Variants in CHODL observed in about 807,000 individuals in gnomAD.
CHODL encodes transmembrane protein MT75.
In CHODL, 29 loss-of-function variants were observed where a neutral mutation model predicts 34.5. The ratio of observed to expected loss-of-function variants is 0.84; its 90% CI spans 0.63 to 1.15. The LOEUF is 1.15. CHODL is among the 50% of genes most tolerant of loss of function. The pLI is 0.00. For synonymous variants in CHODL, 125 were observed against 116.1 expected (o/e 1.08, Z -0.49); for missense variants, 332 against 332.5 (o/e 1.00, Z 0.01).
chr21:18,265,992 T>C lies in CHODL; in HGVS notation c.776T>C (p.Leu259Pro). ...AAAACTAGTCCAAACCAGTCTACACTGTGGATTTCAAAGAGTACCAGAAAA... is the reference window on the plus strand; with the variant it reads ...AAAACTAGTCCAAACCAGTCTACACCGTGGATTTCAAAGAGTACCAGAAAA... The part of the protein sequence containing the change: ...RTKTSPNQST[L>P]WISKSTRKES... Residue 259 changes from leucine to proline, a missense_variant, in exon 6 of 6, where the codon CTG becomes CCG. Physicochemically the swap from Leu to Pro is moderately conservative, Grantham distance 98. Coordinates refer to ENST00000299295, the MANE Select transcript of CHODL (RefSeq NM_024944.3). 6.2e-7 allele frequency: 1 copy of C among 1,613,688 alleles called. No individual in the cohort carries two copies. Among genetic ancestry groups the C allele is most frequent in the Non-Finnish European group, 8.5e-7 (1 of 1,179,734 alleles).
intron 2 of CHODL, among the ~76,000 whole-genome samples, chr21:18,082,126 C>T (rs1396081489): frequency 6.6e-6 from 1 of 152,142 alleles, no homozygotes; most frequent in Non-Finnish European, 1.5e-5. Context: ...GAGCAGACTT[C>T]TCCTTTGCTG....
At chr21:18,193,545 A>T (rs2073539251) in intron 2 of CHODL, among the ~76,000 whole-genome samples, 1 of 151,568 alleles carries the variant, frequency 6.6e-6, no homozygotes, top group African/African-American at 2.4e-5. Context: ...AAAATACAAA[A>T]ATTAGCCACA....
chr21:18,060,553 T>C (rs2146483457), intron 2 of CHODL, among the ~76,000 whole-genome samples: 1 of 151,824 alleles, frequency 6.6e-6, no homozygotes, highest in Non-Finnish European at 1.5e-5. Flanking sequence ...ATAGTACCCA[T>C]CAGGGCAGTC....
chr21:18,172,817 G>C (rs1278772698), intron 2 of CHODL, among the ~76,000 whole-genome samples: 1 of 152,132 alleles, frequency 6.6e-6, no homozygotes, highest in Non-Finnish European at 1.5e-5. Context: ...GTTAATAAAG[G>C]TCAGAAATGT....
At chr21:18,101,782 A>G (rs1688163) in intron 2 of CHODL, among the ~76,000 whole-genome samples, 63,802 of 150,746 alleles carry the variant, frequency 0.42, 14,259 homozygotes, top group Non-Finnish European at 0.51. Flanking sequence ...CATGGTAAAG[A>G]GCATTAATGA....
chr21:17,931,010 C>T lies in CHODL; in HGVS notation c.-145+13610C>T, dbSNP rs1300400475. 3.3e-5 allele frequency among the ~76,000 whole-genome samples: 5 copies of T among 152,298 alleles called. No individual in the cohort carries two copies. In the East Asian group the frequency reaches 9.6e-4, roughly 29 times the overall value. On this transcript the variant is annotated intron_variant, in intron 1 of 6. Coordinates refer to the CHODL transcript ENST00000400127. ...GTCTGCCTGAACTGAGAGTCATCAG[C>T]CCTGGCACAAGGGTGTGATACAGAA... is the stretch of plus-strand genomic sequence containing the variant.
At chr21:18,069,637 C>G (rs1166226831) in intron 2 of CHODL, among the ~76,000 whole-genome samples, 2 of 151,942 alleles carry the variant, frequency 1.3e-5, no homozygotes, top group Non-Finnish European at 2.9e-5. Context: ...TATTCTATAT[C>G]TTTTAGTGTT....
rs1212894827 is a variant in CHODL, at chr21:18,013,635, C to CTTTTTTTTTTTTTTTTTTTTTTTTTTTTT, written c.-144-14220_-144-14219insTTTTTTTTTTTTTTTTTTTTTTTTTTTTT. On this transcript the variant is annotated intron_variant, in intron 1 of 6. Coordinates refer to the CHODL transcript ENST00000400127. ...GATCATTGATTTTCTGCTGCTGCTGCTTTTTTTTTTTTTTTTTGAGACAGA... is the reference window on the plus strand; with the variant it reads ...GATCATTGATTTTCTGCTGCTGCTGCTTTTTTTTTTTTTTTTTTTTTTTTTTTTTTTTTTTTTTTTTTTTTTGAGACAGA... Among the ~76,000 whole-genome samples, 20 of 71,894 alleles carry CTTTTTTTTTTTTTTTTTTTTTTTTTTTTT rather than the reference C, an allele frequency of 2.8e-4. 6 individuals carry two copies. The highest frequency in any genetic ancestry group is 7.6e-4 in the African/African-American group (12 of 15,808). 47.2% of individuals were successfully genotyped at this position (71,894 alleles called of 152,430 possible).
chr21:18,148,380 G>C (rs2072923422), intron 2 of CHODL, among the ~76,000 whole-genome samples: 1 of 151,946 alleles, frequency 6.6e-6, no homozygotes, highest in Non-Finnish European at 1.5e-5. Context: ...AAATCTCTTG[G>C]GAGTACAGCA....
chr21:18,258,189 T>A (rs1012154279), intron 3 of CHODL, among the ~76,000 whole-genome samples: 2 of 152,138 alleles, frequency 1.3e-5, no homozygotes, highest in African/African-American at 2.4e-5. Flanking sequence ...AGCCACCTTT[T>A]TTTTTATCCC....
At chr21:17,929,580 G>C (rs575011951) in intron 1 of CHODL, among the ~76,000 whole-genome samples, 6 of 152,336 alleles carry the variant, frequency 3.9e-5, no homozygotes, top group South Asian at 2.1e-4. Flanking sequence ...ATGGAGCCAG[G>C]AGTAGCTCCC....
chr21:18,094,882 GAGAGGCTGAAGC>G (rs2065119901), intron 2 of CHODL, among the ~76,000 whole-genome samples: 1 of 152,066 alleles, frequency 6.6e-6, no homozygotes, highest in East Asian at 1.9e-4. Context: ...CCAGCACTTT[GAGAGGCTGAAGC>G]AGGCAGATCT....
intron 2 of CHODL, among the ~76,000 whole-genome samples, chr21:18,197,547 C>T (rs915964420): frequency 1.2e-4 from 18 of 152,232 alleles, no homozygotes; most frequent in Admixed American, 6.5e-4. Flanking sequence ...ACCCGGGATG[C>T]GGAGGTTGCG....
intron 2 of CHODL, among the ~76,000 whole-genome samples, chr21:18,109,087 A>G (rs1055487620): frequency 6.6e-6 from 1 of 152,184 alleles, no homozygotes; most frequent in Non-Finnish European, 1.5e-5. Flanking sequence ...CAGCTTTTGC[A>G]TTAATTATGT....
At chr21:18,250,869 C>T (rs1020476834) in intron 1 of CHODL, among the ~76,000 whole-genome samples, 2 of 151,464 alleles carry the variant, frequency 1.3e-5, no homozygotes, top group Non-Finnish European at 2.9e-5. Context: ...TTTTTTGCAA[C>T]TAATGGTAGA....
intron 2 of CHODL, among the ~76,000 whole-genome samples, chr21:18,165,759 A>C (rs1448205540): frequency 6.6e-6 from 1 of 152,190 alleles, no homozygotes; most frequent in East Asian, 1.9e-4. Flanking sequence ...CAGGGTAAAT[A>C]ATCTCCACCT....
At chr21:18,246,068 A>C in intron 1 of CHODL, 6 of 805,156 alleles carry the variant, frequency 7.5e-6, no homozygotes, top group Non-Finnish European at 1.2e-5. Flanking sequence ...TTTGACTCTC[A>C]CTGTCCTGTC....
chr21:17,978,887 G>A (rs75748819), intron 1 of CHODL, among the ~76,000 whole-genome samples: 2,631 of 151,946 alleles, frequency 0.017, 77 homozygotes, highest in African/African-American at 0.06. Context: ...TTTCTTGTTG[G>A]CTGTCAGCGA....
intron 1 of CHODL, among the ~76,000 whole-genome samples, chr21:18,005,775 G>A (rs966895029): frequency 1.3e-5 from 2 of 152,092 alleles, no homozygotes; most frequent in Non-Finnish European, 2.9e-5. Context: ...TGTAGCTCCC[G>A]AACAATGAGC....
Sources: allele counts gnomAD v4.1 joint callset (sites outside exome capture counted in the v4.1 genomes callset), GRCh38; gene constraint gnomAD v4.1.1; transcripts MANE v1.5; gene names NCBI Gene and HGNC (gene_info 2026-07-23, HGNC 2026-07-21).